The following ERBIN variants were observed in gnomAD, a reference collection of about 807,000 sequenced individuals.
ERBIN encodes the protein erbb2 interacting protein, also known as densin-180-like protein.
ERBIN carries 60 observed loss-of-function variants against 158.4 expected under a neutral mutation model. That is an observed-to-expected ratio of 0.38 (90% CI 0.31 to 0.47). ERBIN has a LOEUF of 0.47. Among genes scored for constraint, ERBIN ranks in the 20% least tolerant of loss-of-function variants. ERBIN has a pLI of 0.99. For synonymous variants in ERBIN, 594 were observed against 557.2 expected (o/e 1.07, Z -0.93); for missense variants, 1,610 against 1,648.0 (o/e 0.98, Z 0.40).
intron 18 of ERBIN, among the ~76,000 whole-genome samples, chr5:66,047,501 C>G (rs1204543909): frequency 1.3e-5 from 2 of 151,866 alleles, no homozygotes; most frequent in Admixed American, 6.6e-5. Context: ...ATTTTATATT[C>G]CCTTCATACA....
At chr5:65,983,005 A>T (rs1210719335) in intron 1 of ERBIN, among the ~76,000 whole-genome samples, 1 of 152,340 alleles carries the variant, frequency 6.6e-6, no homozygotes, top group South Asian at 2.1e-4. Flanking sequence ...TCTACCATCT[A>T]TACTCTTAGA....
At chr5:65,934,925 CTTTTTTGAGTACTCCTTG>C (rs1743899438) in intron 1 of ERBIN, among the ~76,000 whole-genome samples, 1 of 151,946 alleles carries the variant, frequency 6.6e-6, no homozygotes, top group South Asian at 2.1e-4. Flanking sequence ...ATACCTCTTC[CTTTTTTGAGTACTCCTTG>C]TTTTTTAGCA....
chr5:66,030,919 T>C (rs2151168854), intron 14 of ERBIN, among the ~76,000 whole-genome samples: 1 of 152,268 alleles, frequency 6.6e-6, no homozygotes, highest in Admixed American at 6.5e-5. Flanking sequence ...TTATACCAGA[T>C]GGTTCATTTT....
intron 14 of ERBIN, among the ~76,000 whole-genome samples, chr5:66,029,137 A>G (rs191341852): frequency 6.6e-6 from 1 of 152,260 alleles, no homozygotes; most frequent in Non-Finnish European, 1.5e-5. Context: ...TCTCTTCAAC[A>G]TACTGATTTT....
intron 1 of ERBIN, among the ~76,000 whole-genome samples, chr5:65,940,918 A>G (rs1209359751): frequency 4.6e-5 from 7 of 152,154 alleles, no homozygotes; most frequent in Non-Finnish European, 2.9e-5. Context: ...GATGGTTGCC[A>G]TGTCTGTGTA....
At chr5:66,060,853 G>A (rs933427428) in intron 21 of ERBIN, among the ~76,000 whole-genome samples, 1 of 152,200 alleles carries the variant, frequency 6.6e-6, no homozygotes, top group Non-Finnish European at 1.5e-5. Context: ...GAGCGGTTTT[G>A]AGTGAGTTTC....
chr5:65,990,512 CAAAA>C (rs888759475), intron 2 of ERBIN, among the ~76,000 whole-genome samples: 4 of 151,400 alleles, frequency 2.6e-5, no homozygotes, highest in African/African-American at 9.7e-5. Context: ...ACTAAAAATA[CAAAA>C]AAAATTAGCT....
intron 21 of ERBIN, among the ~76,000 whole-genome samples, chr5:66,062,637 T>G (rs2151272717): frequency 6.6e-6 from 1 of 152,276 alleles, no homozygotes; most frequent in African/African-American, 2.4e-5. Context: ...AGTTTCTGGT[T>G]TTTCTGCTCT....
chr5:66,061,331 T>C (rs1760293947), intron 21 of ERBIN, among the ~76,000 whole-genome samples: 1 of 152,178 alleles, frequency 6.6e-6, no homozygotes, highest in Admixed American at 6.5e-5. Flanking sequence ...TTTGTTGGTT[T>C]AAAGTCTGTT....
chr5:65,985,369 C>A (rs371668125), intron 1 of ERBIN, among the ~76,000 whole-genome samples: 1 of 152,198 alleles, frequency 6.6e-6, no homozygotes, highest in Admixed American at 6.5e-5. Context: ...GGATTACAGG[C>A]GTGAGCCACC....
intron 21 of ERBIN, chr5:66,069,026 TA>T: frequency 6.5e-7 from 1 of 1,527,636 alleles, no homozygotes. Flanking sequence ...TTCGAGTGAG[TA>T]CCTACACTAG....
intron 1 of ERBIN, among the ~76,000 whole-genome samples, chr5:65,984,023 T>A (rs546752455): frequency 1.3e-5 from 2 of 152,054 alleles, no homozygotes; most frequent in South Asian, 4.2e-4. Context: ...CTGCTTCCCG[T>A]GTGGCAGCTC....
chr5:65,972,875 C>T (rs529776158), intron 1 of ERBIN, among the ~76,000 whole-genome samples: 1 of 151,282 alleles, frequency 6.6e-6, no homozygotes, highest in South Asian at 2.1e-4. Context: ...CTAATCATTC[C>T]CAGCCTAAAT....
chr5:66,023,956 C>T (rs1755970311), intron 9 of ERBIN, among the ~76,000 whole-genome samples: 1 of 152,054 alleles, frequency 6.6e-6, no homozygotes, highest in Admixed American at 6.6e-5. Flanking sequence ...GGATTACAGG[C>T]GTGAGCCACC....
At chr5:65,984,161 TCTCTTCGGGCCCC>T (rs1750956411) in intron 1 of ERBIN, among the ~76,000 whole-genome samples, 1 of 142,540 alleles carries the variant, frequency 7.0e-6, no homozygotes, top group African/African-American at 3.1e-5. Flanking sequence ...TGGCCTCATG[TCTCTTCGGGCCCC>T]CTCAGTGAGG....
At chr5:65,940,316 G>A (rs1454104848) in intron 1 of ERBIN, among the ~76,000 whole-genome samples, 1 of 145,384 alleles carries the variant, frequency 6.9e-6, no homozygotes, top group African/African-American at 2.6e-5. Flanking sequence ...CCTGGCAACC[G>A]CCCCATATGA....
chr5:65,982,433 T>C (rs1281843603), intron 1 of ERBIN, among the ~76,000 whole-genome samples: 2 of 152,160 alleles, frequency 1.3e-5, no homozygotes, highest in Admixed American at 1.3e-4. Context: ...CATGCAGGAA[T>C]GTGAAATGTT....
In ERBIN at chr5:65,947,095, A is replaced by G. The variant is rs187298183; in HGVS notation, c.-58+20289A>G. Among the ~76,000 whole-genome samples, 153 of 152,186 alleles carry G rather than the reference A, an allele frequency of 1.0e-3. 4 individuals carry two copies. The East Asian group carries it at 0.022, about 21-fold the overall frequency. ...CATCTTTTGCAGAACAAAAGCTTTT[A>G]ATTTTGATGAAATCCCATTTATTAT... On this transcript the variant is annotated intron_variant, in intron 1 of 25. Transcript: ENST00000284037.
chr5:65,951,016 A>T (rs1017517965), intron 1 of ERBIN, among the ~76,000 whole-genome samples: 1 of 152,140 alleles, frequency 6.6e-6, no homozygotes, highest in Non-Finnish European at 1.5e-5. Flanking sequence ...GTTACATTAG[A>T]AGGTAGATTT....
Sources: gnomAD v4.1 joint callset for allele counts (sites outside exome capture counted in the v4.1 genomes callset) on GRCh38, gnomAD v4.1.1 for gene constraint, MANE v1.5 for transcripts, NCBI Gene and HGNC (gene_info 2026-07-23, HGNC 2026-07-21) for gene names.